MAD1L1: variants seen among roughly 807,000 people sequenced by gnomAD.
The protein encoded by MAD1L1 is mitotic spindle assembly checkpoint protein MAD1.
MAD1L1 carries 95 observed loss-of-function variants against 96.9 expected under a neutral mutation model. That is an observed-to-expected ratio of 0.98 (90% confidence interval 0.83 to 1.16). The LOEUF (loss-of-function observed/expected upper bound fraction) is 1.16. Ranked by LOEUF, MAD1L1 falls within the 50% of genes most tolerant of loss-of-function variation. The pLI is 0.00. For missense variants in MAD1L1, 1,007 were observed against 954.4 expected (o/e 1.06, Z -0.73); for synonymous variants, 473 against 396.6 (o/e 1.19, Z -2.29).
intron 17 of MAD1L1, among the ~76,000 whole-genome samples, chr7:1,919,030 GCCGCCGTGATCCGGCCCCTCC>G (rs1788603123): frequency 6.6e-6 from 1 of 152,262 alleles, no homozygotes; most frequent in African/African-American, 2.4e-5. Flanking sequence ...TCCGGCCCAT[GCCGCCGTGATCCGGCCCCTCC>G]CCAGCAAGGA....
At chr7:2,192,761 T>C (rs1330694121) in intron 10 of MAD1L1, among the ~76,000 whole-genome samples, 1 of 152,162 alleles carries the variant, frequency 6.6e-6, no homozygotes. Context: ...ATTAATAAAT[T>C]TATACCAAGT....
chr7:2,059,587 A>C, intron 12 of MAD1L1, among the ~76,000 whole-genome samples: 1 of 128,390 alleles, frequency 7.8e-6, no homozygotes, highest in Admixed American at 7.6e-5. Flanking sequence ...AGGGGAGAGG[A>C]GAGGCACGGG....
intron 5 of MAD1L1, chr7:2,220,941 C>A (rs760002438): frequency 6.2e-7 from 1 of 1,612,226 alleles, no homozygotes; most frequent in Non-Finnish European, 8.5e-7. Context: ...CAGGGTCACC[C>A]GTGTTGTAGG....
At chr7:1,840,349 C>T (rs1333629283) in intron 18 of MAD1L1, among the ~76,000 whole-genome samples, 3 of 152,238 alleles carry the variant, frequency 2.0e-5, no homozygotes, top group Non-Finnish European at 4.4e-5. Context: ...CTGCAGTGCG[C>T]CCCGGGGTAT....
chr7:2,010,396 C>T (rs1782242344), intron 13 of MAD1L1, among the ~76,000 whole-genome samples: 1 of 152,168 alleles, frequency 6.6e-6, no homozygotes. Context: ...ATTCTCCACA[C>T]ACCTCCACAC....
intron 5 of MAD1L1, among the ~76,000 whole-genome samples, chr7:2,222,333 G>A (rs544960938): frequency 3.3e-5 from 5 of 152,302 alleles, no homozygotes; most frequent in Non-Finnish European, 7.4e-5. Context: ...ACCCACCTCG[G>A]CCTCCCAAAG....
intron 11 of MAD1L1, among the ~76,000 whole-genome samples, chr7:2,115,167 C>G (rs1787601483): frequency 6.6e-6 from 1 of 152,262 alleles, no homozygotes; most frequent in East Asian, 1.9e-4. Flanking sequence ...AGGCCACGTT[C>G]ACACCACGGG....
intron 18 of MAD1L1, among the ~76,000 whole-genome samples, chr7:1,823,951 G>C (rs1259951073): frequency 6.6e-6 from 1 of 152,234 alleles, no homozygotes; most frequent in Non-Finnish European, 1.5e-5. Context: ...GGCTCTGTGT[G>C]GGGAGAGGAA....
At chr7:2,209,374 G>A (rs978412402) in intron 10 of MAD1L1, among the ~76,000 whole-genome samples, 1 of 152,202 alleles carries the variant, frequency 6.6e-6, no homozygotes, top group Admixed American at 6.5e-5. Context: ...CCTTAGGGAA[G>A]GGCCCACACA....
chr7:1,965,623 C>T (rs775816134), intron 15 of MAD1L1, among the ~76,000 whole-genome samples: 1 of 152,252 alleles, frequency 6.6e-6, no homozygotes, highest in African/African-American at 2.4e-5. Context: ...GACTCCCCGG[C>T]CCCCGTGGCC....
intron 11 of MAD1L1, among the ~76,000 whole-genome samples, chr7:2,069,562 G>A (rs1401063556): frequency 2.6e-5 from 4 of 152,252 alleles, no homozygotes; most frequent in Non-Finnish European, 4.4e-5. Flanking sequence ...CGGCAGGGAG[G>A]GGGAAGGGAG....
chr7:1,832,939 G>A (rs1041325591), intron 18 of MAD1L1, among the ~76,000 whole-genome samples: 2 of 152,024 alleles, frequency 1.3e-5, no homozygotes, highest in African/African-American at 4.8e-5. Flanking sequence ...GCCCACTGGT[G>A]TTTTTAAGAA....
intron 1 of MAD1L1, among the ~76,000 whole-genome samples, chr7:2,231,648 G>A (rs1046706498): frequency 6.6e-6 from 1 of 152,078 alleles, no homozygotes; most frequent in African/African-American, 2.4e-5. Context: ...TCTGGCCTCT[G>A]GGAATCAGAA....
intron 17 of MAD1L1, among the ~76,000 whole-genome samples, chr7:1,911,177 C>G (rs565113517): frequency 1.6e-4 from 24 of 152,170 alleles, no homozygotes; most frequent in Non-Finnish European, 3.2e-4. Flanking sequence ...TGCCTTCGGC[C>G]TTCCTGGATT....
chr7:2,106,890 C>G (rs1339241586), intron 11 of MAD1L1, among the ~76,000 whole-genome samples: 2 of 152,210 alleles, frequency 1.3e-5, no homozygotes, highest in Non-Finnish European at 2.9e-5. Context: ...GGCTGAGAGA[C>G]AGCTGAGTGC....
At chr7:1,934,427 G>A (rs1455048326) in intron 17 of MAD1L1, among the ~76,000 whole-genome samples, 2 of 151,098 alleles carry the variant, frequency 1.3e-5, no homozygotes, top group African/African-American at 2.4e-5. Context: ...AGGAACAGAC[G>A]GGAGAACCCA....
chr7:1,829,260 G>A (rs1489883656), intron 18 of MAD1L1, among the ~76,000 whole-genome samples: 1 of 152,268 alleles, frequency 6.6e-6, no homozygotes, highest in Non-Finnish European at 1.5e-5. Flanking sequence ...GATGCAAAGT[G>A]GGGCGCAAGT....
At chr7:2,028,818 G>A (rs913704724) in intron 12 of MAD1L1, among the ~76,000 whole-genome samples, 3 of 152,198 alleles carry the variant, frequency 2.0e-5, no homozygotes, top group Non-Finnish European at 4.4e-5. Context: ...GGCGGAAGGA[G>A]CAGCTTTGCA....
At chr7:2,007,286 G>A (rs530274060) in intron 13 of MAD1L1, among the ~76,000 whole-genome samples, 75 of 152,340 alleles carry the variant, frequency 4.9e-4, no homozygotes, top group African/African-American at 1.7e-3. Context: ...GTGCCACAGC[G>A]GAGCGTTCTC....
Sources: allele counts gnomAD v4.1 joint callset (sites outside exome capture counted in the v4.1 genomes callset), GRCh38; gene constraint gnomAD v4.1.1; transcripts MANE v1.5; gene names NCBI Gene and HGNC (gene_info 2026-07-23, HGNC 2026-07-21).